Variants in CRIM1 observed in about 807,000 individuals in gnomAD.
CRIM1 encodes cysteine rich transmembrane BMP regulator 1, also known as cysteine-rich motor neuron 1 protein.
Under a neutral mutation model 116.4 loss-of-function variants are expected in CRIM1, and 32 were observed. The observed-to-expected ratio is 0.27, with a 90% CI of 0.21 to 0.37. The LOEUF is 0.37. CRIM1 is among the 10% of genes least tolerant of loss of function. CRIM1 has a pLI of 1.00. For missense variants in CRIM1, 1,331 were observed against 1,354.8 expected, an observed-to-expected ratio of 0.98 and a Z score of 0.28; for synonymous variants, 590 against 509.2, an observed-to-expected ratio of 1.16 and a Z score of -2.13.
At chr2:36,442,251 T>C (rs988012683) in intron 3 of CRIM1, among the ~76,000 whole-genome samples, 5 of 152,106 alleles carry the variant, frequency 3.3e-5, no homozygotes, top group Non-Finnish European at 5.9e-5. Flanking sequence ...TTCTTTCTTT[T>C]TTTTTTTTAA....
intron 2 of CRIM1, among the ~76,000 whole-genome samples, chr2:36,400,474 A>C (rs1045729458): frequency 6.6e-6 from 1 of 152,138 alleles, no homozygotes; most frequent in African/African-American, 2.4e-5. Context: ...GGTAAATGCC[A>C]CACCTCCGTG....
intron 1 of CRIM1, among the ~76,000 whole-genome samples, chr2:36,365,377 T>C (rs941742663): frequency 1.3e-5 from 2 of 152,234 alleles, no homozygotes; most frequent in Admixed American, 6.5e-5. Flanking sequence ...ACTGGAGACG[T>C]TGGAGACCCC....
rs557701682 is a variant in CRIM1 at position 36,356,165 on chromosome 2, C to T, written c.-128C>T. On this transcript the variant is annotated 5_prime_UTR_variant, in exon 1 of 17. Transcript: ENST00000280527. This position sits in a 1 kb window ranked among gnomAD's most constrained non-coding sequence, Gnocchi z 4.3. ...GCGAGGGGAGGCGCGCCCCGGGGGC[C>T]CCGAGAGGGGCGGTGAGGACCGCGG... is the stretch of plus-strand genomic sequence containing the variant. 5 of 244,696 alleles carry T rather than the reference C, an allele frequency of 2.0e-5. No homozygotes were observed. Among genetic ancestry groups the T allele is most frequent in the South Asian group, 1.5e-4 (1 of 6,836 alleles). 15.2% of individuals were successfully genotyped at this position (244,696 alleles called of 1,614,324 possible). A position where few individuals can be genotyped will look rare whatever the true frequency, so the allele number is the denominator to read the frequency against.
chr2:36,443,456 G>A (rs992369709), intron 4 of CRIM1, among the ~76,000 whole-genome samples: 11 of 152,088 alleles, frequency 7.2e-5, no homozygotes, highest in Admixed American at 5.9e-4. Context: ...GTTTTCCCCC[G>A]ACTACTCACC....
intron 2 of CRIM1, among the ~76,000 whole-genome samples, chr2:36,435,384 C>T (rs534694782): frequency 2.0e-5 from 3 of 151,600 alleles, no homozygotes; most frequent in Non-Finnish European, 2.9e-5. Context: ...GAATGAAGAA[C>T]GAGAAGAGAT....
At position 36,356,357 on chromosome 2, in the gene CRIM1, G is replaced by GGCTGCTGCT; in HGVS notation, c.73_81dup (p.Leu25_Leu27dup). The GGCTGCTGCT allele has an allele frequency of 6.3e-7, 1 of 1,592,506 alleles. No individual in the cohort carries two copies. The highest frequency in any genetic ancestry group is 8.5e-7 in the Non-Finnish European group (1 of 1,171,880). On this transcript the variant is annotated inframe_insertion, in exon 1 of 17. Coordinates refer to ENST00000280527, the MANE Select transcript of CRIM1 (RefSeq NM_016441.3). The surrounding 1 kb of genome is among the most constrained non-coding windows in gnomAD (Gnocchi z 4.3). The stretch of plus-strand genomic sequence containing the variant: ...GGGCACCTCCTGGTCTCGCTGCTGG[G>GGCTGCTGCT]GCTGCTGCTGCTGCTGGCGCGCTCC...
rs370879806 is a variant in CRIM1 at position 36,433,497 on chromosome 2, T to C, written c.506-7761T>C. 4.3e-3 allele frequency among the ~76,000 whole-genome samples: 657 copies of C among 152,318 alleles called. 3 individuals are homozygous for C. The highest frequency in any genetic ancestry group is 7.2e-3 in the Non-Finnish European group (490 of 68,020). ...TGTTGGAACATGCCCTTGGCGAAGCTGTACTGTCAATAGGGAGCTTCATTG... is the reference window on the plus strand; with the variant it reads ...TGTTGGAACATGCCCTTGGCGAAGCCGTACTGTCAATAGGGAGCTTCATTG... On this transcript the variant is annotated intron_variant, in intron 2 of 16. Coordinates refer to ENST00000280527, the MANE Select transcript of CRIM1 (RefSeq NM_016441.3).
intron 2 of CRIM1, among the ~76,000 whole-genome samples, chr2:36,399,107 CAG>C (rs1174946954): frequency 1.3e-5 from 2 of 152,112 alleles, no homozygotes; most frequent in African/African-American, 2.4e-5. Flanking sequence ...TCTGAAAGAG[CAG>C]AGTTTTATGT....
intron 6 of CRIM1, 147 bp from the exon 7 acceptor site, chr2:36,479,350 C>G: frequency 1.4e-6 from 1 of 702,932 alleles, no homozygotes; most frequent in Non-Finnish European, 2.4e-6. Flanking sequence ...CCCCCAGAGA[C>G]TCCTCATGCA....
At chr2:36,442,574 A>C in intron 3 of CRIM1, 41 bp from the exon 4 acceptor site, 1 of 1,612,848 alleles carries the variant, frequency 6.2e-7, no homozygotes, top group Non-Finnish European at 8.5e-7. Flanking sequence ...AAAGCAAGTA[A>C]ATATAACAAT....
chr2:36,487,888 A>G (rs1017105933), intron 7 of CRIM1, among the ~76,000 whole-genome samples: 28 of 152,220 alleles, frequency 1.8e-4, no homozygotes, highest in African/African-American at 6.3e-4. Flanking sequence ...CTGTATTACA[A>G]CGTTTTTCTG....
chr2:36,531,401 TTTG>T (rs1317958937), intron 13 of CRIM1, among the ~76,000 whole-genome samples: 1 of 151,740 alleles, frequency 6.6e-6, no homozygotes, highest in Non-Finnish European at 1.5e-5. Flanking sequence ...TTTTTGGTTT[TTTG>T]TTTTTTTTTT....
chr2:36,476,931 A>T lies in CRIM1; in HGVS notation c.1034A>T (p.Asp345Val). Residue 345 changes from aspartate (D) to valine (V), a missense_variant, in exon 6 of 17, where the codon GAT becomes GTT. By Grantham distance (152) the Asp-to-Val change is radical (BLOSUM62 -3). This residue lies in a region of CRIM1 where 690 missense variants were observed against 676.0 expected (regional missense o/e 1.02). Coordinates refer to ENST00000280527, the MANE Select transcript of CRIM1 (RefSeq NM_016441.3). ...ACVFNNVEYY[D>V]GDMFRMDNCR... is the part of the protein sequence containing the mutation. ...GTATTTAACAATGTGGAATATTATG[A>T]TGGAGACATGTTTCGAATGGACAAC... 1.2e-6 allele frequency: 2 copies of T among 1,614,100 alleles called. No individual in the cohort carries two copies.
At chr2:36,495,735 A>G (rs533907023) in intron 7 of CRIM1, among the ~76,000 whole-genome samples, 1 of 152,086 alleles carries the variant, frequency 6.6e-6, no homozygotes, top group South Asian at 2.1e-4. Context: ...CAGTTGTCTC[A>G]TGGCACTTGT....
intron 8 of CRIM1, among the ~76,000 whole-genome samples, chr2:36,502,685 T>C (rs1256149151): frequency 6.6e-6 from 1 of 152,228 alleles, no homozygotes; most frequent in East Asian, 1.9e-4. Context: ...AGCCAAAAGC[T>C]ATAACGTACA....
chr2:36,499,040 G>A (rs2125084755), intron 7 of CRIM1, among the ~76,000 whole-genome samples, 179 bp from the exon 8 acceptor site: 1 of 152,296 alleles, frequency 6.6e-6, no homozygotes, highest in African/African-American at 2.4e-5. Flanking sequence ...TCAAAAATCT[G>A]AACACAAATA....
At chr2:36,473,195 C>T (rs1048332150) in intron 5 of CRIM1, among the ~76,000 whole-genome samples, 1 of 152,070 alleles carries the variant, frequency 6.6e-6, no homozygotes, top group African/African-American at 2.4e-5. Context: ...CCTCCAAATG[C>T]GGTGAAAGTA....
intron 2 of CRIM1, among the ~76,000 whole-genome samples, chr2:36,433,606 A>G (rs1464195869): frequency 6.6e-6 from 1 of 152,200 alleles, no homozygotes; most frequent in Non-Finnish European, 1.5e-5. Context: ...CTATTTAAAC[A>G]AGTACTAATG....
At chr2:36,538,183 A>G (rs1666690264) in intron 14 of CRIM1, among the ~76,000 whole-genome samples, 1 of 152,046 alleles carries the variant, frequency 6.6e-6, no homozygotes, top group Admixed American at 6.6e-5. Context: ...TATCCCTCTC[A>G]TAGTTTCAAA....
Sources: allele counts gnomAD v4.1 joint callset (sites outside exome capture counted in the v4.1 genomes callset), GRCh38; gene constraint gnomAD v4.1.1; regional missense constraint gnomAD v4.1.1; non-coding constraint Gnocchi (gnomAD v3.1); transcripts MANE v1.5; gene names NCBI Gene and HGNC (gene_info 2026-07-23, HGNC 2026-07-21).